The following CDH8 variants were observed in gnomAD, a reference collection of about 807,000 sequenced individuals.
CDH8 encodes cadherin-8.
A neutral mutation model predicts 68.1 loss-of-function variants in CDH8; 17 were observed. That is an observed-to-expected ratio of 0.25 (90% CI 0.17 to 0.37). The LOEUF is 0.37. Among genes scored for constraint, CDH8 ranks in the 10% least tolerant of loss-of-function variants. The pLI, the probability that CDH8 is intolerant of heterozygous loss-of-function variation, is 1.00. For missense variants in CDH8, 763 were observed against 999.3 expected (o/e 0.76, Z 3.19); for synonymous variants, 372 against 365.1 (o/e 1.02, Z -0.21).
At chr16:61,772,202 T>G (rs1183615205) in intron 8 of CDH8, among the ~76,000 whole-genome samples, 1 of 151,960 alleles carries the variant, frequency 6.6e-6, no homozygotes, top group African/African-American at 2.4e-5. Flanking sequence ...GTTACTTCAG[T>G]GGGGATGAAA....
In CDH8 at chr16:61,716,782, T is replaced by C. The variant is rs140848800; in HGVS notation, c.1537-2824A>G. 4.8e-4 allele frequency among the ~76,000 whole-genome samples: 73 copies of C among 151,852 alleles called. No homozygotes were observed. In the East Asian group the frequency reaches 0.013, roughly 28 times the overall value. On this transcript the variant is annotated intron_variant, in intron 9 of 11. Transcript: ENST00000577390. ...CACATTTGACACTTCAAAACAGATA[T>C]CCCCTGCTTTGGCATTTTATCTAAA...
intron 1 of CDH8, among the ~76,000 whole-genome samples, chr16:62,031,799 C>A (rs1471388790): frequency 6.6e-6 from 1 of 151,932 alleles, no homozygotes; most frequent in Non-Finnish European, 1.5e-5. Flanking sequence ...GAAAAAGAAA[C>A]AGTATTGGCC....
intron 1 of CDH8, among the ~76,000 whole-genome samples, chr16:62,035,582 C>G (rs888450812): frequency 4.6e-5 from 7 of 152,130 alleles, no homozygotes; most frequent in Non-Finnish European, 1.0e-4. Context: ...TCCCTCGCCT[C>G]GGAGATGAGG....
intron 2 of CDH8, among the ~76,000 whole-genome samples, chr16:61,961,151 A>C (rs1033714627): frequency 7.9e-5 from 12 of 152,038 alleles, no homozygotes; most frequent in African/African-American, 2.7e-4. Context: ...CCCTGTCTCT[A>C]CTAAAAATAC....
Position 61,891,418 on chromosome 16 carries a change from T to C in CDH8, c.547+9761A>G, listed in dbSNP as rs1011440529. The stretch of plus-strand genomic sequence containing the variant: ...AATAACTCAATGCCTCTTGGAAGAC[T>C]AATGCATTTTAGGCACCCCTAACAA... On this transcript the variant is annotated intron_variant, in intron 3 of 11. Transcript: ENST00000577390. Among the ~76,000 whole-genome samples the C allele has an allele frequency of 2.6e-5, 4 of 152,162 alleles. No individual in the cohort carries two copies. The East Asian group carries it at 7.7e-4, about 29-fold the overall frequency.
chr16:61,932,593 T>A (rs1266041974), intron 2 of CDH8, among the ~76,000 whole-genome samples: 2 of 152,182 alleles, frequency 1.3e-5, no homozygotes, highest in East Asian at 3.9e-4. Context: ...GTATCATTAC[T>A]TATTTTCTGG....
intron 8 of CDH8, among the ~76,000 whole-genome samples, chr16:61,727,561 T>C (rs1007761570): frequency 1.4e-4 from 21 of 151,046 alleles, no homozygotes; most frequent in Non-Finnish European, 2.4e-4. Flanking sequence ...GTATCTCTTT[T>C]TTTCTTGAGT....
At chr16:61,831,908 C>T (rs1167496801) in intron 4 of CDH8, among the ~76,000 whole-genome samples, 1 of 151,750 alleles carries the variant, frequency 6.6e-6, no homozygotes, top group Non-Finnish European at 1.5e-5. Flanking sequence ...TCCCCAAAAA[C>T]CCTTTCCAAT....
At chr16:61,971,653 G>A (rs751426737) in intron 2 of CDH8, among the ~76,000 whole-genome samples, 9 of 152,132 alleles carry the variant, frequency 5.9e-5, no homozygotes, top group South Asian at 2.1e-4. Context: ...ATCACTGGCC[G>A]TTGGTGATCA....
chr16:61,671,939 T>A (rs1484122040), intron 10 of CDH8, among the ~76,000 whole-genome samples: 5 of 152,098 alleles, frequency 3.3e-5, no homozygotes, highest in African/African-American at 1.2e-4. Flanking sequence ...ATCAAACTCA[T>A]TCAAACTCTT....
chr16:61,902,871 T>C (rs1286359289), intron 2 of CDH8, among the ~76,000 whole-genome samples: 3 of 152,218 alleles, frequency 2.0e-5, no homozygotes, highest in Non-Finnish European at 2.9e-5. Context: ...CTTTCATTTA[T>C]TGTATAAAAT....
At chr16:61,794,219 T>G (rs1260572161) in intron 7 of CDH8, among the ~76,000 whole-genome samples, 1 of 151,942 alleles carries the variant, frequency 6.6e-6, no homozygotes, top group African/African-American at 2.4e-5. Flanking sequence ...CCTGGATTTC[T>G]GTGTGTTTCT....
At chr16:61,723,229 G>A (rs1216724223) in intron 9 of CDH8, among the ~76,000 whole-genome samples, 1 of 150,830 alleles carries the variant, frequency 6.6e-6, no homozygotes, top group Non-Finnish European at 1.5e-5. Context: ...AGTTATGGAA[G>A]GTCCTCTGGC....
At chr16:62,032,974 A>G (rs1284780204) in intron 1 of CDH8, among the ~76,000 whole-genome samples, 5 of 152,222 alleles carry the variant, frequency 3.3e-5, no homozygotes, top group South Asian at 4.1e-4. Context: ...CCAATAAACA[A>G]TGAAAGGAAC....
intron 2 of CDH8, among the ~76,000 whole-genome samples, chr16:62,003,972 C>A (rs1965934513): frequency 6.6e-6 from 1 of 152,042 alleles, no homozygotes; most frequent in Admixed American, 6.5e-5. Flanking sequence ...TTGTATGAAT[C>A]AAAAATCATA....
chr16:62,026,013 C>T (rs1173096493), intron 1 of CDH8, among the ~76,000 whole-genome samples: 4 of 152,164 alleles, frequency 2.6e-5, no homozygotes, highest in Non-Finnish European at 4.4e-5. Flanking sequence ...GGTCATCTCA[C>T]TATTTGCTAA....
chr16:61,798,294 T>C (rs1207282048), intron 7 of CDH8, among the ~76,000 whole-genome samples: 1 of 152,178 alleles, frequency 6.6e-6, no homozygotes, highest in Non-Finnish European at 1.5e-5. Context: ...TAGTGCCGAG[T>C]ATCATAAAAC....
At chr16:61,800,185 C>T (rs1269922256) in intron 7 of CDH8, among the ~76,000 whole-genome samples, 2 of 152,212 alleles carry the variant, frequency 1.3e-5, no homozygotes, top group Non-Finnish European at 2.9e-5. Context: ...CTTATTTACA[C>T]ACTATAATAA....
intron 9 of CDH8, 79 bp from the exon 10 acceptor site, chr16:61,714,037 T>G (rs1211188506): frequency 1.6e-5 from 14 of 859,558 alleles, no homozygotes; most frequent in Non-Finnish European, 2.4e-5. Context: ...GTGACATTCT[T>G]TTTGTGGTCT....
Sources: gnomAD v4.1 joint callset for allele counts (sites outside exome capture counted in the v4.1 genomes callset) on GRCh38, gnomAD v4.1.1 for gene constraint, MANE v1.5 for transcripts, NCBI Gene and HGNC (gene_info 2026-07-23, HGNC 2026-07-21) for gene names.